The following DENND1A variants were observed in gnomAD, a reference collection of about 807,000 sequenced individuals.
DENND1A encodes the protein DENN domain-containing protein 1A.
Under a neutral mutation model 113.7 loss-of-function variants are expected in DENND1A, and 51 were observed. That is an observed-to-expected ratio of 0.45 (90% CI 0.36 to 0.57). DENND1A has a LOEUF of 0.57. Among genes scored for constraint, DENND1A ranks in the 20% least tolerant of loss-of-function variants. DENND1A has a pLI of 0.00. For missense variants in DENND1A, 1,258 were observed against 1,395.9 expected (o/e 0.90, Z 1.57); for synonymous variants, 565 against 570.8 (o/e 0.99, Z 0.14).
intron 18 of DENND1A, among the ~76,000 whole-genome samples, chr9:123,447,096 C>A (rs1003680653): frequency 2.6e-5 from 4 of 152,166 alleles, no homozygotes; most frequent in African/African-American, 9.7e-5. Flanking sequence ...AGTCATGAGC[C>A]CATCCAGGAG....
intron 1 of DENND1A, among the ~76,000 whole-genome samples, chr9:123,907,450 T>C (rs1160968319): frequency 7.3e-5 from 11 of 151,180 alleles, no homozygotes; most frequent in African/African-American, 2.7e-4. Context: ...GAAAACCCCA[T>C]TGTCTCAGCC....
chr9:123,634,814 A>G (rs1396997489), intron 9 of DENND1A, among the ~76,000 whole-genome samples: 1 of 152,266 alleles, frequency 6.6e-6, no homozygotes, highest in African/African-American at 2.4e-5. Flanking sequence ...GCAGCTGAAT[A>G]GCCTAAGACT....
chr9:123,489,824 C>T (rs953440692), intron 13 of DENND1A, among the ~76,000 whole-genome samples: 1 of 152,156 alleles, frequency 6.6e-6, no homozygotes. Flanking sequence ...GGCTGAACAG[C>T]CACAGCTAGA....
At chr9:123,800,242 G>A (rs1273920917) in intron 2 of DENND1A, among the ~76,000 whole-genome samples, 2 of 152,204 alleles carry the variant, frequency 1.3e-5, no homozygotes, top group Admixed American at 6.5e-5. Flanking sequence ...TAAATTGAAG[G>A]ACCCTTCTGC....
At chr9:123,518,917 A>G (rs187333768) in intron 13 of DENND1A, among the ~76,000 whole-genome samples, 47 of 152,346 alleles carry the variant, frequency 3.1e-4, no homozygotes, top group African/African-American at 1.0e-3. Flanking sequence ...CTGATTTTGA[A>G]TAAAACCCAA....
At chr9:123,884,174 A>T (rs1848695654) in intron 1 of DENND1A, among the ~76,000 whole-genome samples, 1 of 152,168 alleles carries the variant, frequency 6.6e-6, no homozygotes, top group South Asian at 2.1e-4. Flanking sequence ...AACAATTAAG[A>T]CTATAACAAT....
intron 13 of DENND1A, among the ~76,000 whole-genome samples, chr9:123,552,133 A>T (rs1429036765): frequency 6.6e-6 from 1 of 151,980 alleles, no homozygotes; most frequent in East Asian, 1.9e-4. Context: ...ACGTGACTGC[A>T]GAGGAGGAGA....
At chr9:123,579,007 C>T (rs1252378577) in intron 12 of DENND1A, among the ~76,000 whole-genome samples, 1 of 152,022 alleles carries the variant, frequency 6.6e-6, no homozygotes, top group African/African-American at 2.4e-5. Context: ...TTTGGGACAA[C>T]CATTAACAGT....
At position 123,597,377 on chromosome 9, in the gene DENND1A, A is replaced by G. The variant is rs1165036070; in HGVS notation, c.765+12059T>C. 2.0e-5 allele frequency among the ~76,000 whole-genome samples: 3 copies of G among 152,346 alleles called. No individual in the cohort carries two copies. The East Asian group carries it at 5.8e-4, about 29-fold the overall frequency. ...ACTGTGAAAATCTCTTAACTTTTCA[A>G]ACAAACTACAGGGGGTCTTAAACAT... On this transcript the variant is annotated intron_variant, in intron 11 of 23. Coordinates refer to ENST00000394215, the MANE Select transcript of DENND1A (RefSeq NM_001352964.2).
intron 13 of DENND1A, among the ~76,000 whole-genome samples, chr9:123,514,118 G>T (rs1417450091): frequency 6.7e-6 from 1 of 148,332 alleles, no homozygotes; most frequent in African/African-American, 2.5e-5. Context: ...GTCTGTGTGT[G>T]TGTCCATGAC....
At chr9:123,475,876 C>A (rs949821365) in intron 13 of DENND1A, among the ~76,000 whole-genome samples, 11 of 152,210 alleles carry the variant, frequency 7.2e-5, no homozygotes, top group African/African-American at 2.4e-4. Flanking sequence ...TATACGCCTC[C>A]TTCAGGGAGT....
At chr9:123,568,471 C>G (rs903292026) in intron 12 of DENND1A, among the ~76,000 whole-genome samples, 1 of 152,204 alleles carries the variant, frequency 6.6e-6, no homozygotes, top group African/African-American at 2.4e-5. Flanking sequence ...CAAAACTACC[C>G]AAGCCTTTAT....
Position 123,381,216 on chromosome 9 carries a change from G to C in DENND1A, c.*216C>G, listed in dbSNP as rs1309530875. The C allele has an allele frequency of 1.7e-6, 1 of 602,882 alleles. No homozygotes were observed. The highest frequency in any genetic ancestry group is 2.9e-6 in the Non-Finnish European group (1 of 342,614). 37.3% of individuals were successfully genotyped at this position (602,882 alleles called of 1,614,324 possible). On this transcript the variant is annotated 3_prime_UTR_variant, in exon 24 of 24. Transcript: ENST00000394215. The surrounding 1 kb of genome is among the most constrained non-coding windows in gnomAD (Gnocchi z 4.7). ...AACCGCGGGGTGGGATGGGCACTCA[G>C]GAACTGGGTTGATTCCCAGGCTGGA...
intron 1 of DENND1A, among the ~76,000 whole-genome samples, chr9:123,889,823 A>C (rs1461434915): frequency 6.6e-6 from 1 of 152,124 alleles, no homozygotes; most frequent in Non-Finnish European, 1.5e-5. Context: ...AAATACAAAA[A>C]TTAGCCAGGC....
At chr9:123,828,290 G>T (rs1190768333) in intron 2 of DENND1A, among the ~76,000 whole-genome samples, 1 of 151,940 alleles carries the variant, frequency 6.6e-6, no homozygotes, top group East Asian at 1.9e-4. Context: ...CAATAGATTA[G>T]TTGAAGAAAA....
intron 2 of DENND1A, among the ~76,000 whole-genome samples, chr9:123,866,394 G>A (rs1849501): frequency 0.072 from 10,970 of 152,250 alleles, 619 homozygotes; most frequent in African/African-American, 0.16. Flanking sequence ...TGCCCAAAGT[G>A]TGTTTTTCTG....
rs114865575 is a variant in DENND1A, at chr9:123,541,028, C to G, written c.993+16542G>C. Among the ~76,000 whole-genome samples, 540 of 152,318 alleles carry G rather than the reference C, an allele frequency of 3.5e-3. 6 individuals are homozygous for G. The highest frequency in any genetic ancestry group is 0.012 in the African/African-American group (510 of 41,556). On this transcript the variant is annotated intron_variant, in intron 13 of 23. Transcript: ENST00000394215. ...CTTAGCTTTCTTTTTCTGCATAACA[C>G]TTATTACCATCAGACATATTATATG...
At position 123,641,325 on chromosome 9, in the gene DENND1A, C is replaced by T. The variant is rs180735800; in HGVS notation, c.618+10688G>A. On this transcript the variant is annotated intron_variant, in intron 9 of 23. Coordinates refer to ENST00000394215, the MANE Select transcript of DENND1A (RefSeq NM_001352964.2). ...TGATTCATAAGAGTCATATGAGAAG[C>T]TATCAGTCCTGCAATCTAAGGAAGA... is the stretch of plus-strand genomic sequence containing the variant. 9.2e-5 allele frequency among the ~76,000 whole-genome samples: 14 copies of T among 151,686 alleles called. No individual in the cohort carries two copies. The East Asian group carries it at 2.5e-3, about 27-fold the overall frequency.
At chr9:123,792,741 G>T in intron 2 of DENND1A, 111 bp from the exon 3 acceptor site, 1 of 1,217,112 alleles carries the variant, frequency 8.2e-7, no homozygotes, top group Non-Finnish European at 1.2e-6. Flanking sequence ...GGGGATCCAA[G>T]GGGGGCAGCT....
Sources: allele counts gnomAD v4.1 joint callset (sites outside exome capture counted in the v4.1 genomes callset), GRCh38; gene constraint gnomAD v4.1.1; non-coding constraint Gnocchi (gnomAD v3.1); transcripts MANE v1.5; gene names NCBI Gene and HGNC (gene_info 2026-07-23, HGNC 2026-07-21).